DCC: variants seen among roughly 807,000 people sequenced by gnomAD.
DCC encodes DCC netrin 1 receptor.
DCC carries 58 observed loss-of-function variants against 172.5 expected under a neutral mutation model. The ratio of observed to expected loss-of-function variants is 0.34; its 90% CI spans 0.27 to 0.42. The LOEUF (loss-of-function observed/expected upper bound fraction) is 0.42. Among genes scored for constraint, DCC ranks in the 10% least tolerant of loss-of-function variants. The pLI is 1.00. For missense variants in DCC, 1,740 were observed against 1,791.0 expected (o/e 0.97, Z 0.51); for synonymous variants, 709 against 644.5 (o/e 1.10, Z -1.52).
chr18:52,781,732 G>A (rs2037548286), intron 2 of DCC, among the ~76,000 whole-genome samples: 1 of 152,074 alleles, frequency 6.6e-6, no homozygotes, highest in Non-Finnish European at 1.5e-5. Flanking sequence ...TTTATGAAGA[G>A]GACTTTGTCT....
chr18:53,364,287 A>C (rs768021198), intron 15 of DCC, among the ~76,000 whole-genome samples: 7 of 152,186 alleles, frequency 4.6e-5, no homozygotes, highest in Non-Finnish European at 1.0e-4. Flanking sequence ...CAAAGATTAA[A>C]TAGGTAAAGT....
intron 5 of DCC, among the ~76,000 whole-genome samples, chr18:52,994,146 A>T (rs1457454915): frequency 6.6e-6 from 1 of 152,178 alleles, no homozygotes; most frequent in East Asian, 1.9e-4. Flanking sequence ...AACATTGCCC[A>T]TAAGATTTTC....
At chr18:52,851,211 TTA>T (rs2038970682) in intron 2 of DCC, among the ~76,000 whole-genome samples, 1 of 152,106 alleles carries the variant, frequency 6.6e-6, no homozygotes, top group Admixed American at 6.5e-5. Flanking sequence ...TCTTTTAAGA[TTA>T]TGTTGCTCTA....
intron 1 of DCC, among the ~76,000 whole-genome samples, chr18:52,504,019 T>C (rs1192104004): frequency 2.6e-5 from 4 of 152,100 alleles, no homozygotes; most frequent in African/African-American, 9.7e-5. Flanking sequence ...CTTATAAACA[T>C]AAATGGAGCA....
intron 2 of DCC, among the ~76,000 whole-genome samples, chr18:52,831,410 T>G (rs1056712596): frequency 6.6e-6 from 1 of 152,082 alleles, no homozygotes; most frequent in Non-Finnish European, 1.5e-5. Context: ...TGCGCTGGAA[T>G]ATGGGAGGGC....
chr18:53,045,856 A>G (rs1395419459), intron 5 of DCC, among the ~76,000 whole-genome samples: 2 of 151,936 alleles, frequency 1.3e-5, no homozygotes, highest in Non-Finnish European at 2.9e-5. Context: ...GAATTTTATA[A>G]TCATTCCTCC....
At chr18:53,338,001 A>G (rs1247324878) in intron 14 of DCC, among the ~76,000 whole-genome samples, 2 of 152,232 alleles carry the variant, frequency 1.3e-5, no homozygotes, top group Admixed American at 6.5e-5. Flanking sequence ...AATCACTGAT[A>G]TTTTTGAGTA....
chr18:53,145,082 G>T (rs28572000), intron 7 of DCC, among the ~76,000 whole-genome samples: 27,396 of 141,272 alleles, frequency 0.19, 2,859 homozygotes, highest in African/African-American at 0.28. Context: ...CTTTTGGGAG[G>T]TGATTAAGCT....
At chr18:52,719,941 T>G (rs1227085948) in intron 1 of DCC, among the ~76,000 whole-genome samples, 1 of 152,064 alleles carries the variant, frequency 6.6e-6, no homozygotes, top group Non-Finnish European at 1.5e-5. Flanking sequence ...CAGTCAGGAT[T>G]TGGGGGTCCC....
At chr18:53,494,121 A>G (rs1209123849) in intron 26 of DCC, among the ~76,000 whole-genome samples, 1 of 152,144 alleles carries the variant, frequency 6.6e-6, no homozygotes, top group Admixed American at 6.6e-5. Context: ...TTCAGTTTCC[A>G]TGTAGTTGTG....
At position 52,628,452 on chromosome 18, in the gene DCC, C is replaced by G. The variant is rs1249704131; in HGVS notation, c.92-123602C>G. On this transcript the variant is annotated intron_variant, in intron 1 of 28. Coordinates refer to ENST00000442544, the MANE Select transcript of DCC (RefSeq NM_005215.4). ...TATATAGTATTTGTTTTTCAATAAA[C>G]TTGGCAGCTGGCTGCAAATATGTGC... 2.0e-5 allele frequency among the ~76,000 whole-genome samples: 3 copies of G among 152,218 alleles called. No homozygotes were observed. The East Asian group carries it at 5.8e-4, about 29-fold the overall frequency.
intron 5 of DCC, among the ~76,000 whole-genome samples, chr18:52,945,312 C>T (rs1418109985): frequency 1.3e-5 from 2 of 152,068 alleles, no homozygotes; most frequent in Non-Finnish European, 1.5e-5. Context: ...TATGTTTCTT[C>T]TAAACACATT....
At chr18:52,478,543 T>C (rs1224311432) in intron 1 of DCC, among the ~76,000 whole-genome samples, 2 of 152,272 alleles carry the variant, frequency 1.3e-5, no homozygotes, top group East Asian at 3.9e-4. Context: ...TGAGACTGGG[T>C]AAATTATAAA....
chr18:53,092,317 C>T (rs1295352668), intron 7 of DCC, among the ~76,000 whole-genome samples: 2 of 152,126 alleles, frequency 1.3e-5, no homozygotes, highest in Non-Finnish European at 2.9e-5. Context: ...AAGTCGTAAG[C>T]AAGTGAACTA....
intron 23 of DCC, among the ~76,000 whole-genome samples, chr18:53,451,739 C>CTCCA (rs2045417330): frequency 6.6e-6 from 1 of 151,494 alleles, no homozygotes; most frequent in South Asian, 2.1e-4. Flanking sequence ...CTCTCCATCT[C>CTCCA]TCTCTCTCTC....
At chr18:52,938,781 C>T (rs78914372) in intron 5 of DCC, among the ~76,000 whole-genome samples, 9,209 of 151,974 alleles carry the variant, frequency 0.061, 366 homozygotes, top group South Asian at 0.15. Context: ...TTTCTTATAC[C>T]TTACATTAAA....
At chr18:53,479,413 T>G (rs1188534508) in intron 25 of DCC, among the ~76,000 whole-genome samples, 1 of 152,178 alleles carries the variant, frequency 6.6e-6, no homozygotes, top group Non-Finnish European at 1.5e-5. Flanking sequence ...AAAATGGAAT[T>G]AAAAAGTTGT....
At chr18:53,418,582 TG>T (rs1278481788) in intron 21 of DCC, among the ~76,000 whole-genome samples, 1 of 152,146 alleles carries the variant, frequency 6.6e-6, no homozygotes, top group Non-Finnish European at 1.5e-5. Flanking sequence ...ATGTGGCATC[TG>T]GGGTCAGAAT....
intron 12 of DCC, among the ~76,000 whole-genome samples, chr18:53,229,013 A>G (rs538534089): frequency 6.6e-6 from 1 of 152,282 alleles, no homozygotes; most frequent in South Asian, 2.1e-4. Context: ...AGTATAATAT[A>G]CATTTCCTAA....
Sources: gnomAD v4.1 joint callset for allele counts (sites outside exome capture counted in the v4.1 genomes callset) on GRCh38, gnomAD v4.1.1 for gene constraint, MANE v1.5 for transcripts, NCBI Gene and HGNC (gene_info 2026-07-23, HGNC 2026-07-21) for gene names.